FRMD4B: variants seen among roughly 807,000 people sequenced by gnomAD.
FRMD4B encodes the protein FERM domain-containing protein 4B.
In FRMD4B, 74 loss-of-function variants were observed where a neutral mutation model predicts 141.5. The observed-to-expected ratio is 0.52, with a 90% CI of 0.43 to 0.63. The LOEUF is 0.63. Ranked by LOEUF, FRMD4B falls within the 30% of genes least tolerant of loss-of-function variation. The probability of loss-of-function intolerance (pLI) is 0.00; values close to 1 mark genes in which losing one functional copy is unlikely to be tolerated. For missense variants in FRMD4B, 1,366 were observed against 1,253.4 expected (o/e 1.09, Z -1.36); for synonymous variants, 506 against 467.9 (o/e 1.08, Z -1.05).
intron 1 of FRMD4B, among the ~76,000 whole-genome samples, chr3:69,468,217 T>C (rs1053858365): frequency 6.1e-5 from 7 of 115,572 alleles, no homozygotes; most frequent in Non-Finnish European, 1.1e-4. Flanking sequence ...AAAAAAAGTA[T>C]CACGGATCCT....
At chr3:69,284,853 C>A (rs1200752260) in intron 5 of FRMD4B, among the ~76,000 whole-genome samples, 4 of 152,114 alleles carry the variant, frequency 2.6e-5, no homozygotes, top group South Asian at 2.1e-4. Context: ...GGATCCAAAT[C>A]AAACCTCTAA....
intron 2 of FRMD4B, among the ~76,000 whole-genome samples, chr3:69,404,282 C>T (rs575506032): frequency 3.3e-5 from 5 of 152,274 alleles, no homozygotes; most frequent in Admixed American, 2.6e-4. Context: ...CATAAGATTT[C>T]TCTCCAATAA....
At chr3:69,265,515 C>G (rs567170992) in intron 5 of FRMD4B, among the ~76,000 whole-genome samples, 2 of 129,364 alleles carry the variant, frequency 1.5e-5, no homozygotes, top group Admixed American at 1.8e-4. Flanking sequence ...GTGGCGCGAT[C>G]TCGGCTCACT....
chr3:69,190,071 G>A, intron 17 of FRMD4B, 119 bp from the exon 18 acceptor site: 1 of 617,760 alleles, frequency 1.6e-6, no homozygotes, highest in Non-Finnish European at 2.9e-6. Context: ...TAATTACAGT[G>A]CATTAAGAAT....
rs1211009630 is a variant in FRMD4B, at chr3:69,193,861, G to C, written c.1501C>G (p.Gln501Glu). The C allele has an allele frequency of 1.2e-6, 2 of 1,605,016 alleles. No individual in the cohort carries two copies. The highest frequency in any genetic ancestry group is 1.7e-6 in the Non-Finnish European group (2 of 1,172,892). Residue 501 changes from glutamine to glutamate, a missense_variant, in exon 17 of 23, where the codon CAA (glutamine) becomes GAA (glutamate). Transcript: ENST00000398540. ...LLPSEEDPAL[Q>E]ELESNFLIQQ... is the part of the protein sequence containing the mutation. ...ATTAGAAAATTACTCTCCAGTTCTT[G>C]CAAAGCAGGATCCTGCATTTATACA... is the stretch of plus-strand genomic sequence containing the variant.
At chr3:69,275,897 T>A in intron 5 of FRMD4B, among the ~76,000 whole-genome samples, 1 of 152,226 alleles carries the variant, frequency 6.6e-6, no homozygotes, top group East Asian at 1.9e-4. Context: ...AAATAATAAA[T>A]ATTTATACTA....
At chr3:69,414,004 T>C (rs1013085906) in intron 2 of FRMD4B, among the ~76,000 whole-genome samples, 2 of 152,238 alleles carry the variant, frequency 1.3e-5, no homozygotes, top group Non-Finnish European at 1.5e-5. Context: ...TTGAATTTCA[T>C]TTATTCTTAC....
chr3:69,284,478 T>C (rs2093658285), intron 5 of FRMD4B, among the ~76,000 whole-genome samples: 1 of 152,040 alleles, frequency 6.6e-6, no homozygotes, highest in South Asian at 2.1e-4. Context: ...TGCAGAACAA[T>C]TAGCTATAGA....
At chr3:69,532,346 T>G (rs149491454) in intron 1 of FRMD4B, among the ~76,000 whole-genome samples, 325 of 152,308 alleles carry the variant, frequency 2.1e-3, no homozygotes, top group Non-Finnish European at 3.5e-3. Flanking sequence ...ACACTTCCAC[T>G]GATACACTGC....
chr3:69,450,652 G>A (rs112196420), intron 1 of FRMD4B, among the ~76,000 whole-genome samples: 2 of 152,178 alleles, frequency 1.3e-5, no homozygotes, highest in African/African-American at 2.4e-5. Context: ...TACTCGGGAG[G>A]CTGAGGCAGG....
At chr3:69,457,663 T>TA (rs1243608573) in intron 1 of FRMD4B, among the ~76,000 whole-genome samples, 4 of 139,944 alleles carry the variant, frequency 2.9e-5, no homozygotes, top group South Asian at 2.4e-4. Flanking sequence ...TTCTTTATAT[T>TA]AAAAAATTTT....
rs967465754 is a variant in FRMD4B, at chr3:69,311,717, G to A, written c.229-360C>T. ...AGGAATATTAAACACCTTGCTGCTTGGTTATCTGTGATATATAAAAGATTG... is the reference window on the plus strand; with the variant it reads ...AGGAATATTAAACACCTTGCTGCTTAGTTATCTGTGATATATAAAAGATTG... On this transcript the variant is annotated intron_variant, in intron 2 of 22. Coordinates refer to ENST00000398540, the MANE Select transcript of FRMD4B (RefSeq NM_015123.3). 4.7e-4 allele frequency among the ~76,000 whole-genome samples: 72 copies of A among 152,108 alleles called. 1 individual carries two copies. Among genetic ancestry groups the A allele is most frequent in the African/African-American group, 1.7e-3 (70 of 41,500 alleles).
rs149952954 is a variant in FRMD4B, at chr3:69,351,787, C to T, written c.162+34041G>A. ...GGGATAGGAAGTCTTAGAAAAATTCCTCCTCTTCTCTGGATTTTAATCTCT... is the reference window on the plus strand; with the variant it reads ...GGGATAGGAAGTCTTAGAAAAATTCTTCCTCTTCTCTGGATTTTAATCTCT... On this transcript the variant is annotated intron_variant, in intron 1 of 22. Coordinates refer to ENST00000398540, the MANE Select transcript of FRMD4B (RefSeq NM_015123.3). Among the ~76,000 whole-genome samples, 400 of 152,292 alleles carry T rather than the reference C, an allele frequency of 2.6e-3. 2 individuals are homozygous for T. Among genetic ancestry groups the T allele is most frequent in the African/African-American group, 9.0e-3 (375 of 41,552 alleles).
intron 11 of FRMD4B, chr3:69,200,862 G>A (rs1283358944): frequency 4.3e-6 from 2 of 463,336 alleles, no homozygotes; most frequent in East Asian, 6.9e-5. Flanking sequence ...GCTCAGCTGT[G>A]TTTTCCTTTG....
chr3:69,401,710 C>G (rs1704566818), intron 2 of FRMD4B, among the ~76,000 whole-genome samples: 1 of 152,038 alleles, frequency 6.6e-6, no homozygotes, highest in South Asian at 2.1e-4. Context: ...CCACCACACC[C>G]CAAAATTTTT....
At chr3:69,453,035 T>C (rs1575807029) in intron 1 of FRMD4B, among the ~76,000 whole-genome samples, 1 of 152,236 alleles carries the variant, frequency 6.6e-6, no homozygotes, top group Non-Finnish European at 1.5e-5. Flanking sequence ...AATTTGGCCT[T>C]GCCATGTTTC....
At chr3:69,392,522 C>A (rs918194051) in intron 2 of FRMD4B, among the ~76,000 whole-genome samples, 22 of 152,110 alleles carry the variant, frequency 1.4e-4, no homozygotes, top group Non-Finnish European at 3.2e-4. Flanking sequence ...GTTGGGGGAC[C>A]AGAAAAGCCC....
At chr3:69,196,736 C>T (rs564498463) in intron 13 of FRMD4B, 164 bp downstream of exon 13, 1 of 611,202 alleles carries the variant, frequency 1.6e-6, no homozygotes, top group South Asian at 2.1e-5. Flanking sequence ...TATATATTGC[C>T]CATCATGTAA....
rs1183774603 is a variant in FRMD4B, at chr3:69,245,834, G to GTTTTTTTTTT, written c.581+3382_581+3391dup. Among the ~76,000 whole-genome samples the GTTTTTTTTTT allele has an allele frequency of 2.0e-4, 16 of 78,358 alleles. 3 individuals carry two copies. Among genetic ancestry groups the GTTTTTTTTTT allele is most frequent in the Non-Finnish European group, 2.4e-4 (10 of 42,134 alleles). 51.4% of individuals were successfully genotyped at this position (78,358 alleles called of 152,430 possible). A position where few individuals can be genotyped will look rare whatever the true frequency, so the allele number is the denominator to read the frequency against. On this transcript the variant is annotated intron_variant, in intron 7 of 22. Coordinates refer to ENST00000398540, the MANE Select transcript of FRMD4B (RefSeq NM_015123.3). ...GTCTGCGAACGTGCCAGGCTAATTT[G>GTTTTTTTTTT]TTTTTTTTTTTTTTTTTTTTTTGAG... is the stretch of plus-strand genomic sequence containing the variant.
Sources: allele counts gnomAD v4.1 joint callset (sites outside exome capture counted in the v4.1 genomes callset), GRCh38; gene constraint gnomAD v4.1.1; transcripts MANE v1.5; gene names NCBI Gene and HGNC (gene_info 2026-07-23, HGNC 2026-07-21).